Variants in INSYN2A observed in about 807,000 individuals in gnomAD.
The protein encoded by INSYN2A is family with sequence similarity 196 member A.
A neutral mutation model predicts 39.4 loss-of-function variants in INSYN2A; 17 were observed. The observed-to-expected ratio is 0.43, with a 90% CI of 0.30 to 0.65. The LOEUF (loss-of-function observed/expected upper bound fraction) is 0.65. Ranked by LOEUF, INSYN2A falls within the 30% of genes least tolerant of loss-of-function variation. INSYN2A has a pLI of 0.14. For synonymous variants in INSYN2A, 255 were observed against 265.7 expected (o/e 0.96, Z 0.39); for missense variants, 595 against 631.2 (o/e 0.94, Z 0.61).
At chr10:127,156,562 CT>C (rs869132788) in intron 4 of INSYN2A, among the ~76,000 whole-genome samples, 13 of 16,964 alleles carry the variant, frequency 7.7e-4, no homozygotes, top group African/African-American at 2.1e-3. Flanking sequence ...TCTTCTTCTT[CT>C]TTTTTTTTTT....
At chr10:127,178,549 G>C (rs1226265753) in intron 2 of INSYN2A, among the ~76,000 whole-genome samples, 1 of 152,190 alleles carries the variant, frequency 6.6e-6, no homozygotes, top group East Asian at 1.9e-4. Context: ...CACTGCATTA[G>C]CCCTTGCACC....
chr10:127,193,378 A>G (rs886334429), intron 1 of INSYN2A, among the ~76,000 whole-genome samples: 2 of 152,174 alleles, frequency 1.3e-5, no homozygotes, highest in African/African-American at 4.8e-5. Context: ...GTTGAACAGC[A>G]TCCTTCACAA....
At chr10:127,145,993 C>T (rs756951617) in intron 5 of INSYN2A, 1 of 516,936 alleles carries the variant, frequency 1.9e-6, no homozygotes. Flanking sequence ...GGACCCCGCA[C>T]CCTGAATTCC....
rs564025936 is a variant in INSYN2A at position 127,160,350 on chromosome 10, T to C, written c.1185-6427A>G. On this transcript the variant is annotated intron_variant, in intron 4 of 5. Transcript: ENST00000522781. ...ACTGTTTCCTTCATAAGATCTTAAA[T>C]TCTCAATGGAAAGTTCTCTTCTCAC... Among the ~76,000 whole-genome samples, 9 of 152,306 alleles carry C rather than the reference T, an allele frequency of 5.9e-5. No individual in the cohort carries two copies. In the South Asian group the frequency reaches 1.9e-3, roughly 32 times the overall value.
At chr10:127,181,559 G>A (rs930618040) in intron 2 of INSYN2A, among the ~76,000 whole-genome samples, 7 of 152,208 alleles carry the variant, frequency 4.6e-5, no homozygotes, top group Admixed American at 2.0e-4. Context: ...ACAAGGGATT[G>A]TATGAAATTA....
At chr10:127,165,727 C>T (rs1157332897) in intron 4 of INSYN2A, among the ~76,000 whole-genome samples, 1 of 152,128 alleles carries the variant, frequency 6.6e-6, no homozygotes, top group Non-Finnish European at 1.5e-5. Context: ...GAACTGGGTT[C>T]CCAGGCAGGT....
At chr10:127,190,612 A>G (rs910589057) in intron 2 of INSYN2A, among the ~76,000 whole-genome samples, 6 of 146,386 alleles carry the variant, frequency 4.1e-5, no homozygotes, top group Non-Finnish European at 9.0e-5. Flanking sequence ...TATTTTTTAA[A>G]TAATATTTCC....
chr10:127,188,846 T>A (rs1334116039), intron 2 of INSYN2A, among the ~76,000 whole-genome samples: 1 of 152,244 alleles, frequency 6.6e-6, no homozygotes. Flanking sequence ...GAGAAATTAC[T>A]ATTTGTAATA....
At chr10:127,157,517 C>T (rs2053199748) in intron 4 of INSYN2A, among the ~76,000 whole-genome samples, 1 of 152,240 alleles carries the variant, frequency 6.6e-6, no homozygotes, top group South Asian at 2.1e-4. Context: ...TCTATAACAT[C>T]ATTTTCACTC....
Position 127,166,337 on chromosome 10 carries a change from T to C in INSYN2A, c.1184+8875A>G, listed in dbSNP as rs183159975. Among the ~76,000 whole-genome samples, 834 of 152,178 alleles carry C rather than the reference T, an allele frequency of 5.5e-3. 9 individuals are homozygous for C. Among genetic ancestry groups the C allele is most frequent in the African/African-American group, 0.019 (791 of 41,508 alleles). ...ACCTCGGCCTCCCAAAGTGCTGGGA[T>C]TACAGGCGTGAGCCACCGCGCCCGG... On this transcript the variant is annotated intron_variant, in intron 4 of 5. Transcript: ENST00000522781.
At chr10:127,147,173 C>G (rs1229184617) in intron 5 of INSYN2A, among the ~76,000 whole-genome samples, 1 of 152,170 alleles carries the variant, frequency 6.6e-6, no homozygotes, top group Non-Finnish European at 1.5e-5. Flanking sequence ...AACTTGCCTT[C>G]TTTTGGAGCT....
rs78935567 is a variant in INSYN2A at position 127,139,560 on chromosome 10, A to G, written c.1257-1540T>C. ...TCTTGCTAATCCAGACTACGTGATG[A>G]TGGAGGCATAGTCTCTTCTAAGGAC... On this transcript the variant is annotated intron_variant, in intron 5 of 5. Transcript: ENST00000522781. Among the ~76,000 whole-genome samples, 300 of 152,314 alleles carry G rather than the reference A, an allele frequency of 2.0e-3. 1 individual carries two copies. Among genetic ancestry groups the G allele is most frequent in the African/African-American group, 6.9e-3 (285 of 41,566 alleles).
intron 5 of INSYN2A, among the ~76,000 whole-genome samples, chr10:127,141,049 G>T (rs1388225131): frequency 2.0e-5 from 3 of 152,140 alleles, no homozygotes; most frequent in Admixed American, 2.0e-4. Context: ...GTCCGGTGCT[G>T]CCAGCTTCAT....
At chr10:127,172,201 A>C (rs2054639365) in intron 4 of INSYN2A, among the ~76,000 whole-genome samples, 1 of 152,192 alleles carries the variant, frequency 6.6e-6, no homozygotes, top group African/African-American at 2.4e-5. Flanking sequence ...CCTCGTTCTA[A>C]AGTCCTAGAA....
intron 4 of INSYN2A, among the ~76,000 whole-genome samples, chr10:127,162,901 T>A (rs777807780): frequency 3.9e-5 from 6 of 152,076 alleles, no homozygotes; most frequent in Non-Finnish European, 7.3e-5. Context: ...CAGAAGACCT[T>A]TGTTTCCAAA....
chr10:127,190,241 C>T (rs1198378102), intron 2 of INSYN2A, among the ~76,000 whole-genome samples: 1 of 152,168 alleles, frequency 6.6e-6, no homozygotes, highest in African/African-American at 2.4e-5. Flanking sequence ...GAACCCAACC[C>T]TTTGGTGCTT....
At position 127,176,981 on chromosome 10, in the gene INSYN2A, C is replaced by G. The variant is rs1055570273; in HGVS notation, c.-110G>C. 6.6e-6 allele frequency: 1 copy of G among 152,214 alleles called. No homozygotes were observed. The highest frequency in any genetic ancestry group is 1.5e-5 in the Non-Finnish European group (1 of 68,222). The allele number at this position is 152,214 out of a possible 1,614,324, so 9.4% of individuals were successfully genotyped here. On this transcript the variant is annotated 5_prime_UTR_variant, in exon 3 of 6. Coordinates refer to ENST00000522781, the MANE Select transcript of INSYN2A (RefSeq NM_001039762.3). The surrounding 1 kb of genome is among the most constrained non-coding windows in gnomAD (Gnocchi z 4.4). ...TTATGGATTCCGGGGGAGAGTTGGC[C>G]GTGCTCCTGGGTGGGAACCGTGAAG... is the stretch of plus-strand genomic sequence containing the variant.
Position 127,175,948 on chromosome 10 carries a change from T to G in INSYN2A, c.448A>C (p.Lys150Gln). 6.2e-7 allele frequency: 1 copy of G among 1,614,196 alleles called. No individual in the cohort carries two copies. Residue 150 changes from lysine (K) to glutamine (Q), a missense_variant, in exon 4 of 6, where the codon AAG becomes CAG. Lys to Gln is a moderately conservative substitution (Grantham distance 53). Around this residue, in one of 2 missense-constraint regions of INSYN2A, gnomAD observed 478 missense variants for 467.4 expected, o/e 1.02. Transcript: ENST00000522781. This position sits in a 1 kb window ranked among gnomAD's most constrained non-coding sequence, Gnocchi z 6.3. Reference protein sequence around the residue: ...NNGFLTDAKEKNEAGPMEEAR... With the variant: ...NNGFLTDAKEQNEAGPMEEAR... ...TCCTCCATGGGTCCAGCCTCGTTCT[T>G]CTCTTTCGCATCTGTTAGAAACCCA... is the stretch of plus-strand genomic sequence containing the variant.
At chr10:127,149,543 C>T (rs1051319477) in intron 5 of INSYN2A, among the ~76,000 whole-genome samples, 6 of 152,150 alleles carry the variant, frequency 3.9e-5, no homozygotes, top group Non-Finnish European at 8.8e-5. Context: ...AACACAGTAT[C>T]CTTTTCATCT....
Sources: gnomAD v4.1 joint callset for allele counts (sites outside exome capture counted in the v4.1 genomes callset) on GRCh38, gnomAD v4.1.1 for gene constraint, gnomAD v4.1.1 regional missense constraint, Gnocchi (gnomAD v3.1) non-coding constraint, MANE v1.5 for transcripts, NCBI Gene and HGNC (gene_info 2026-07-23, HGNC 2026-07-21) for gene names.